MKLN1: variants seen among roughly 807,000 people sequenced by gnomAD.
MKLN1 encodes muskelin.
A neutral mutation model predicts 99.0 loss-of-function variants in MKLN1; 18 were observed. The observed-to-expected ratio is 0.18, with a 90% confidence interval of 0.13 to 0.27. The LOEUF (loss-of-function observed/expected upper bound fraction) is 0.27. MKLN1 is among the 10% of genes least tolerant of loss of function. The pLI is 1.00. For missense variants in MKLN1, 621 were observed against 875.9 expected (o/e 0.71, Z 3.67); for synonymous variants, 288 against 293.2 (o/e 0.98, Z 0.18).
chr7:131,464,300 T>C lies in MKLN1; in HGVS notation c.1680T>C (p.Cys560=). Residue 560 remains cysteine, a synonymous_variant, in exon 14 of 18, where the codon TGT becomes TGC. Coordinates refer to ENST00000352689, the MANE Select transcript of MKLN1 (RefSeq NM_013255.5). The part of the protein sequence containing the change: ...IYDIVRNSWS[C]VYKNDQAAKD... ...TAAAAGCAATGTCTTGCAGGTCTTG[T>C]GTCTATAAGAATGATCAAGCTGCAA... 6.2e-7 allele frequency: 1 copy of C among 1,600,058 alleles called. No homozygotes were observed. Among genetic ancestry groups the C allele is most frequent in the Non-Finnish European group, 8.6e-7 (1 of 1,167,888 alleles).
At chr7:131,470,528 G>C (rs1796789419) in intron 15 of MKLN1, among the ~76,000 whole-genome samples, 1 of 152,124 alleles carries the variant, frequency 6.6e-6, no homozygotes, top group Admixed American at 6.5e-5. Context: ...AAAATACGTA[G>C]TATATTCACT....
At position 131,494,157 on chromosome 7, in the gene MKLN1, C is replaced by A. The variant is rs762192872; in HGVS notation, c.*6429C>A. On this transcript the variant is annotated 3_prime_UTR_variant, in exon 18 of 18. Coordinates refer to ENST00000352689, the MANE Select transcript of MKLN1 (RefSeq NM_013255.5). ...TTGCCTTAAATTAATTATATGTCATCCCAAGGGTCTCTGTTAATTCTGCTT... is the reference window on the plus strand; with the variant it reads ...TTGCCTTAAATTAATTATATGTCATACCAAGGGTCTCTGTTAATTCTGCTT... The A allele has an allele frequency of 3.3e-5, 5 of 152,168 alleles. No individual in the cohort carries two copies. The highest frequency in any genetic ancestry group is 7.3e-5 in the Non-Finnish European group (5 of 68,030). The allele number at this position is 152,168 out of a possible 1,614,324, so 9.4% of individuals were successfully genotyped here.
chr7:131,440,200 C>T (rs780798916), intron 10 of MKLN1, among the ~76,000 whole-genome samples: 1 of 152,164 alleles, frequency 6.6e-6, no homozygotes, highest in Non-Finnish European at 1.5e-5. Context: ...TGTCAGAAAG[C>T]ATTATTTTGT....
At chr7:131,209,112 ATTTGAG>A (rs1311564485) in intron 3 of MKLN1, among the ~76,000 whole-genome samples, 2 of 152,184 alleles carry the variant, frequency 1.3e-5, no homozygotes, top group East Asian at 3.8e-4. Flanking sequence ...ATGGCAAGAA[ATTTGAG>A]TTTGAGAAAG....
intron 3 of MKLN1, among the ~76,000 whole-genome samples, chr7:131,237,982 A>T (rs1482726374): frequency 1.3e-5 from 2 of 152,122 alleles, no homozygotes; most frequent in African/African-American, 4.8e-5. Context: ...CCCTGTCTCT[A>T]CTAAAAGTAC....
chr7:131,394,992 T>C (rs1349560663), intron 4 of MKLN1, among the ~76,000 whole-genome samples: 2 of 152,074 alleles, frequency 1.3e-5, no homozygotes, highest in Non-Finnish European at 2.9e-5. Flanking sequence ...CACTTCATTA[T>C]GTAATATTTT....
At chr7:131,486,915 G>A (rs928611702) in intron 17 of MKLN1, among the ~76,000 whole-genome samples, 1 of 152,134 alleles carries the variant, frequency 6.6e-6, no homozygotes, top group Non-Finnish European at 1.5e-5. Context: ...GCTTTCTAAT[G>A]TGTATCAGGA....
At chr7:131,293,097 G>A (rs1034962107) in intron 3 of MKLN1, among the ~76,000 whole-genome samples, 1 of 152,172 alleles carries the variant, frequency 6.6e-6, no homozygotes, top group Non-Finnish European at 1.5e-5. Context: ...AGTGCCAGCT[G>A]TAAACCTAGG....
In MKLN1 at chr7:131,121,129, G is replaced by A. The variant is rs112886091; in HGVS notation, c.-419+10922G>A. On this transcript the variant is annotated intron_variant, in intron 1 of 7. Transcript: ENST00000416992. Reference sequence around the variant, plus strand: ...GGGGAAGCAAACGCATCTTCACATGGCTGGCACAGAAAAGACAGGGTGAAG... The same window carrying A: ...GGGGAAGCAAACGCATCTTCACATGACTGGCACAGAAAAGACAGGGTGAAG... 2.4e-3 allele frequency among the ~76,000 whole-genome samples: 363 copies of A among 152,248 alleles called. 1 individual carries two copies. The highest frequency in any genetic ancestry group is 8.4e-3 in the African/African-American group (349 of 41,544).
chr7:131,327,670 C>A (rs1798922853), upstream of MKLN1: 1 of 621,932 alleles, frequency 1.6e-6, no homozygotes, highest in African/African-American at 1.9e-5. Flanking sequence ...CAGGGAAGGG[C>A]CTGGAAAGCG....
chr7:131,275,553 ATATATATATATATATTTTTTTTTTTTT>A (rs1484364761), intron 3 of MKLN1, among the ~76,000 whole-genome samples: 4 of 14,884 alleles, frequency 2.7e-4, no homozygotes, highest in African/African-American at 1.2e-3. Flanking sequence ...ATATATATAT[ATATATATATATATATTTTTTTTTTTTT>A]TTTTTTTTTT....
At position 131,132,947 on chromosome 7, in the gene MKLN1, A is replaced by AAAAG. The variant is rs1224385182; in HGVS notation, c.-418-9841_-418-9838dup. On this transcript the variant is annotated intron_variant, in intron 1 of 7. Coordinates refer to the MKLN1 transcript ENST00000416992. ...TCTCAAAAAAAAAAAAAAAAAAAAAAAAAGAAAGAAAGAAAGAAAGAAAGA... is the reference window on the plus strand; with the variant it reads ...TCTCAAAAAAAAAAAAAAAAAAAAAAAAAGAAAGAAAGAAAGAAAGAAAGAAAGA... Among the ~76,000 whole-genome samples, 147 of 56,618 alleles carry AAAAG rather than the reference A, an allele frequency of 2.6e-3. 3 individuals carry two copies. The highest frequency in any genetic ancestry group is 5.4e-3 in the East Asian group (8 of 1,472). 37.1% of individuals were successfully genotyped at this position (56,618 alleles called of 152,430 possible).
intron 8 of MKLN1, among the ~76,000 whole-genome samples, chr7:131,417,683 T>C (rs964097343): frequency 5.3e-5 from 8 of 152,200 alleles, no homozygotes; most frequent in African/African-American, 1.4e-4. Flanking sequence ...TCAAAAAATA[T>C]GTTTCCAAGA....
At chr7:131,160,510 T>C (rs1410403409) in intron 2 of MKLN1, among the ~76,000 whole-genome samples, 1 of 140,784 alleles carries the variant, frequency 7.1e-6, no homozygotes, top group Non-Finnish European at 1.5e-5. Flanking sequence ...TTATTATTAT[T>C]ATTATTATTA....
chr7:131,414,527 A>G, intron 7 of MKLN1, 118 bp from the exon 8 acceptor site: 2 of 576,082 alleles, frequency 3.5e-6, no homozygotes, highest in Non-Finnish European at 6.0e-6. Flanking sequence ...ACTTATTAAT[A>G]TTTTGAAAAA....
At chr7:131,390,893 T>A (rs1794179288) in intron 4 of MKLN1, among the ~76,000 whole-genome samples, 1 of 152,118 alleles carries the variant, frequency 6.6e-6, no homozygotes, top group Admixed American at 6.5e-5. Flanking sequence ...TAATGGTATT[T>A]AGGCAAAATG....
At chr7:131,395,399 C>T (rs1238973732) in intron 4 of MKLN1, among the ~76,000 whole-genome samples, 1 of 151,772 alleles carries the variant, frequency 6.6e-6, no homozygotes, top group East Asian at 1.9e-4. Flanking sequence ...CAGATGTGTA[C>T]TTGATGGGAA....
At chr7:131,185,345 A>G (rs1796433249) in intron 2 of MKLN1, among the ~76,000 whole-genome samples, 1 of 151,816 alleles carries the variant, frequency 6.6e-6, no homozygotes, top group African/African-American at 2.4e-5. Context: ...TAGGAGGCCA[A>G]GGTGGGCAGA....
At chr7:131,223,505 C>T (rs569826766) in intron 3 of MKLN1, among the ~76,000 whole-genome samples, 11 of 152,290 alleles carry the variant, frequency 7.2e-5, no homozygotes, top group African/African-American at 2.2e-4. Flanking sequence ...CCTACACTAA[C>T]CCTGACTTGT....
Sources: gnomAD v4.1 joint callset for allele counts (sites outside exome capture counted in the v4.1 genomes callset) on GRCh38, gnomAD v4.1.1 for gene constraint, MANE v1.5 for transcripts, NCBI Gene and HGNC (gene_info 2026-07-23, HGNC 2026-07-21) for gene names.